Variants in PPIL6 observed in about 807,000 individuals in gnomAD.
PPIL6 encodes the protein peptidylprolyl isomerase like 6.
Under a neutral mutation model 36.8 loss-of-function variants are expected in PPIL6, and 39 were observed. The ratio of observed to expected loss-of-function variants is 1.06; its 90% CI spans 0.82 to 1.38. PPIL6 has a LOEUF of 1.38. Among genes scored for constraint, PPIL6 ranks in the 40% most tolerant of loss-of-function variants. PPIL6 has a pLI of 0.00. For synonymous variants in PPIL6, 123 were observed against 134.1 expected, an observed-to-expected ratio of 0.92 and a Z score of 0.57; for missense variants, 368 against 379.1, an observed-to-expected ratio of 0.97 and a Z score of 0.24.
intron 1 of PPIL6, among the ~76,000 whole-genome samples, chr6:109,436,690 C>G (rs12213313): frequency 0.32 from 49,050 of 151,978 alleles, 7,956 homozygotes; most frequent in Middle Eastern, 0.41. Flanking sequence ...CACTGCACTC[C>G]AGCCTGGGTG....
upstream of PPIL6, chr6:109,440,638 C>T: frequency 8.4e-7 from 1 of 1,187,244 alleles, no homozygotes; most frequent in Non-Finnish European, 1.0e-6. Context: ...CGCGTCGCTC[C>T]GGCAACCGCG....
chr6:109,419,158 T>C (rs775401625), intron 6 of PPIL6, 29 bp downstream of exon 6: 2 of 1,355,452 alleles, frequency 1.5e-6, no homozygotes, highest in East Asian at 2.3e-5. Context: ...TCAACTAATA[T>C]ATAACTAACA....
At chr6:109,399,752 G>A (rs947761617) in intron 7 of PPIL6, among the ~76,000 whole-genome samples, 16 of 152,052 alleles carry the variant, frequency 1.1e-4, no homozygotes, top group African/African-American at 3.6e-4. Context: ...ATGTTGCCCA[G>A]GCTGGTCTTG....
upstream of PPIL6, chr6:109,440,948 G>C (rs1291262469): frequency 3.2e-6 from 2 of 617,534 alleles, no homozygotes; most frequent in African/African-American, 2.0e-5. Context: ...GCCGGTTGCC[G>C]GGGGAACGCG....
chr6:109,411,531 A>C (rs186714428), intron 6 of PPIL6, among the ~76,000 whole-genome samples: 1 of 152,368 alleles, frequency 6.6e-6, no homozygotes, highest in African/African-American at 2.4e-5. Flanking sequence ...GGTTACACAG[A>C]TATAACCAGG....
chr6:109,399,094 T>TTTTATTTA (rs58404867), intron 7 of PPIL6, among the ~76,000 whole-genome samples: 201 of 148,370 alleles, frequency 1.4e-3, no homozygotes, highest in Middle Eastern at 3.4e-3. Context: ...CCCAGCTAAT[T>TTTTATTTA]TTTATTTATT....
chr6:109,404,585 A>T (rs977853278), intron 6 of PPIL6, among the ~76,000 whole-genome samples: 4 of 152,236 alleles, frequency 2.6e-5, no homozygotes, highest in Non-Finnish European at 5.9e-5. Context: ...AAACTCGGTT[A>T]TACCATCTTT....
intron 1 of PPIL6, among the ~76,000 whole-genome samples, chr6:109,437,553 T>C (rs894400586): frequency 6.1e-5 from 7 of 115,220 alleles, no homozygotes; most frequent in South Asian, 2.6e-4. Flanking sequence ...CTTTTCTTTT[T>C]TTTTTTTTTT....
chr6:109,435,360 G>T (rs1181322603), intron 2 of PPIL6, among the ~76,000 whole-genome samples: 2 of 150,824 alleles, frequency 1.3e-5, no homozygotes, highest in Non-Finnish European at 3.0e-5. Flanking sequence ...TACAGTGGTG[G>T]GATCTTGGCT....
intron 3 of PPIL6, 83 bp downstream of exon 3, chr6:109,431,074 A>C: frequency 1.0e-6 from 1 of 972,730 alleles, no homozygotes; most frequent in Non-Finnish European, 1.5e-6. Flanking sequence ...AATCTCCTTC[A>C]TTAGGACATC....
intron 5 of PPIL6, among the ~76,000 whole-genome samples, chr6:109,425,749 C>CAAAAAAAAAAA (rs34275471): frequency 9.6e-6 from 1 of 103,704 alleles, no homozygotes; most frequent in African/African-American, 3.6e-5. Context: ...GACTCCGTTT[C>CAAAAAAAAAAA]AAAAAAAAAA....
chr6:109,407,045 A>T (rs1048187032), intron 6 of PPIL6, among the ~76,000 whole-genome samples: 2 of 152,224 alleles, frequency 1.3e-5, no homozygotes, highest in Admixed American at 6.5e-5. Context: ...GAGATCTGGC[A>T]TCTGCCATTT....
chr6:109,396,407 T>C (rs1197184446), intron 7 of PPIL6, among the ~76,000 whole-genome samples: 3 of 152,170 alleles, frequency 2.0e-5, no homozygotes, highest in Non-Finnish European at 4.4e-5. Flanking sequence ...GTTGGACCCT[T>C]GCTGACCCTC....
At chr6:109,421,445 C>G (rs1356108752) in intron 5 of PPIL6, among the ~76,000 whole-genome samples, 1 of 152,216 alleles carries the variant, frequency 6.6e-6, no homozygotes, top group Non-Finnish European at 1.5e-5. Context: ...AACTGCCTCA[C>G]AGGTAGCTCT....
intron 3 of PPIL6, among the ~76,000 whole-genome samples, chr6:109,430,675 T>C (rs1032245315): frequency 6.6e-6 from 1 of 152,236 alleles, no homozygotes; most frequent in African/African-American, 2.4e-5. Flanking sequence ...TCCACCTGCC[T>C]TGGCCTCCCA....
intron 7 of PPIL6, among the ~76,000 whole-genome samples, chr6:109,396,519 G>A (rs1447159979): frequency 2.0e-5 from 3 of 152,122 alleles, no homozygotes; most frequent in Non-Finnish European, 4.4e-5. Flanking sequence ...GGGCCTCTCT[G>A]CGAAACCTCT....
chr6:109,425,660 G>C (rs542719070), intron 5 of PPIL6, among the ~76,000 whole-genome samples: 1 of 148,780 alleles, frequency 6.7e-6, no homozygotes, highest in South Asian at 2.2e-4. Context: ...GAGGCAGGGA[G>C]AATTACTTGA....
Position 109,392,726 on chromosome 6 carries a change from G to A in PPIL6, c.*100C>T. 1 of 728,246 alleles carries A rather than the reference G, an allele frequency of 1.4e-6. No individual in the cohort carries two copies. Among genetic ancestry groups the A allele is most frequent in the South Asian group, 1.9e-5 (1 of 52,512 alleles). 45.1% of individuals were successfully genotyped at this position (728,246 alleles called of 1,614,324 possible). A position where few individuals can be genotyped will look rare whatever the true frequency, so the allele number is the denominator to read the frequency against. On this transcript the variant is annotated 3_prime_UTR_variant, in exon 8 of 8. Transcript: ENST00000521072. ...GAGGCAACCTACAGTGTCTGCCACG[G>A]CTTTCAAATTACAATTTATCAAGTA...
intron 6 of PPIL6, among the ~76,000 whole-genome samples, chr6:109,401,026 ATTTTTTTT>A (rs749611966): frequency 0.01 from 1,157 of 114,914 alleles, 9 homozygotes; most frequent in Non-Finnish European, 0.015. Flanking sequence ...TGCCCGGCTA[ATTTTTTTT>A]TTTTTTTTTT....
Sources: allele counts gnomAD v4.1 joint callset (sites outside exome capture counted in the v4.1 genomes callset), GRCh38; gene constraint gnomAD v4.1.1; transcripts MANE v1.5; gene names NCBI Gene and HGNC (gene_info 2026-07-23, HGNC 2026-07-21).